Variants in PCSK5 observed in about 807,000 individuals in gnomAD.
PCSK5 encodes the protein prohormone convertase 5.
Under a neutral mutation model 233.2 loss-of-function variants are expected in PCSK5, and 129 were observed. That is an observed-to-expected ratio of 0.55 (90% CI 0.48 to 0.64). The LOEUF is 0.64. Among genes scored for constraint, PCSK5 ranks in the 30% least tolerant of loss-of-function variants. PCSK5 has a pLI of 0.00. For synonymous variants in PCSK5, 825 were observed against 879.2 expected (o/e 0.94, Z 1.09); for missense variants, 2,076 against 2,430.1 (o/e 0.85, Z 3.06).
intron 3 of PCSK5, among the ~76,000 whole-genome samples, chr9:76,016,950 C>T (rs1827972618): frequency 1.3e-5 from 2 of 152,184 alleles, no homozygotes; most frequent in African/African-American, 2.4e-5. Flanking sequence ...TTCTCCCAAC[C>T]TCCACTATTT....
chr9:75,894,961 C>G (rs544494165), intron 1 of PCSK5, among the ~76,000 whole-genome samples: 1 of 152,128 alleles, frequency 6.6e-6, no homozygotes, highest in Non-Finnish European at 1.5e-5. Context: ...GGAGAAGATC[C>G]CTTGTGAACA....
Position 75,946,682 on chromosome 9 carries a change from G to A in PCSK5, c.297+14199G>A, listed in dbSNP as rs182700206. Among the ~76,000 whole-genome samples, 591 of 152,134 alleles carry A rather than the reference G, an allele frequency of 3.9e-3. 4 individuals carry two copies. The highest frequency in any genetic ancestry group is 0.014 in the African/African-American group (561 of 41,510). On this transcript the variant is annotated intron_variant, in intron 2 of 37. Coordinates refer to ENST00000674117, the MANE Select transcript of PCSK5 (RefSeq NM_001372043.1). The stretch of plus-strand genomic sequence containing the variant: ...CCGCTCACTTCAACCTCTGCCTCTC[G>A]GGTTCAAGTGATTCTCCTGCCTCAG...
chr9:75,909,841 T>C (rs1176163670), intron 1 of PCSK5, among the ~76,000 whole-genome samples: 3 of 152,220 alleles, frequency 2.0e-5, no homozygotes, highest in Non-Finnish European at 4.4e-5. Flanking sequence ...TGTTATAAGA[T>C]TGAATTTCCC....
rs1321817430 is a variant in PCSK5 at position 76,354,223 on chromosome 9, A to C, written c.5254+4A>C. On this transcript the variant is annotated splice_donor_region_variant and intron_variant, in intron 37 of 37. Transcript: ENST00000674117. The stretch of plus-strand genomic sequence containing the variant: ...TGTGACTGCCAGGACACCACGGGTG[A>C]GGGAAGAGCAAGAGCAGCCTGCAGA... 1 of 1,566,366 alleles carries C rather than the reference A, an allele frequency of 6.4e-7. No homozygotes were observed. Among genetic ancestry groups the C allele is most frequent in the East Asian group, 2.3e-5 (1 of 42,698 alleles).
chr9:76,009,960 A>G (rs1384056232), intron 3 of PCSK5, among the ~76,000 whole-genome samples: 1 of 152,296 alleles, frequency 6.6e-6, no homozygotes, highest in South Asian at 2.1e-4. Flanking sequence ...CACGGGATGC[A>G]TGTGCGCTGC....
At position 75,981,207 on chromosome 9, in the gene PCSK5, T is replaced by C. The variant is rs538967195; in HGVS notation, c.298-4925T>C. Among the ~76,000 whole-genome samples, 12 of 152,350 alleles carry C rather than the reference T, an allele frequency of 7.9e-5. No individual in the cohort carries two copies. In the East Asian group the frequency reaches 2.3e-3, roughly 29 times the overall value. The stretch of plus-strand genomic sequence containing the variant: ...AGCTAGAACATTGACCTCACCTGTC[T>C]GTTGTTTTTAACGAAATGTTTATTC... On this transcript the variant is annotated intron_variant, in intron 2 of 37. Coordinates refer to ENST00000674117, the MANE Select transcript of PCSK5 (RefSeq NM_001372043.1).
At chr9:76,197,380 A>C (rs1824745767) in intron 20 of PCSK5, among the ~76,000 whole-genome samples, 1 of 152,196 alleles carries the variant, frequency 6.6e-6, no homozygotes, top group South Asian at 2.1e-4. Flanking sequence ...CCGCTGAATA[A>C]GCTACCCTTC....
At chr9:76,090,927 G>C (rs117309202) in intron 7 of PCSK5, among the ~76,000 whole-genome samples, 2 of 151,990 alleles carry the variant, frequency 1.3e-5, no homozygotes, top group Admixed American at 1.3e-4. Context: ...TTAGATTCTC[G>C]TGAGAAGCAG....
chr9:76,107,392 CT>C (rs1182109971), intron 9 of PCSK5, 41 bp downstream of exon 9: 2 of 1,353,236 alleles, frequency 1.5e-6, no homozygotes, highest in Non-Finnish European at 2.1e-6. Flanking sequence ...GTGACAACCC[CT>C]GATCTCAGGG....
At chr9:76,084,925 G>T (rs1165377478) in intron 7 of PCSK5, among the ~76,000 whole-genome samples, 3 of 152,114 alleles carry the variant, frequency 2.0e-5, no homozygotes, top group Non-Finnish European at 2.9e-5. Flanking sequence ...CATGTTTGAT[G>T]AATACAGTCA....
intron 5 of PCSK5, among the ~76,000 whole-genome samples, chr9:76,040,919 T>C (rs1458369522): frequency 6.6e-6 from 1 of 152,126 alleles, no homozygotes; most frequent in East Asian, 1.9e-4. Flanking sequence ...TATGTAGAAA[T>C]TTAGTATTGA....
intron 24 of PCSK5, among the ~76,000 whole-genome samples, chr9:76,283,992 C>G (rs117150323): frequency 1.3e-5 from 2 of 152,082 alleles, no homozygotes; most frequent in Non-Finnish European, 2.9e-5. Flanking sequence ...CTTAAGGAAC[C>G]AAACTCAACA....
At chr9:75,905,779 G>T (rs914335523) in intron 1 of PCSK5, among the ~76,000 whole-genome samples, 2 of 152,092 alleles carry the variant, frequency 1.3e-5, no homozygotes, top group Non-Finnish European at 2.9e-5. Flanking sequence ...TCTAGGTTGC[G>T]TGCTCCTTAT....
chr9:75,979,383 G>A (rs555255327), intron 2 of PCSK5, among the ~76,000 whole-genome samples: 13 of 152,280 alleles, frequency 8.5e-5, no homozygotes, highest in African/African-American at 3.1e-4. Context: ...CCCTCTTTCA[G>A]CTGAGTTTAT....
At chr9:76,311,298 CT>C (rs879258970) in intron 30 of PCSK5, among the ~76,000 whole-genome samples, 24 of 148,512 alleles carry the variant, frequency 1.6e-4, no homozygotes, top group Middle Eastern at 6.9e-3. Flanking sequence ...TTGCAGTGAG[CT>C]GTGATTGCAC....
At chr9:75,990,924 A>G (rs930292108) in intron 3 of PCSK5, among the ~76,000 whole-genome samples, 1 of 152,218 alleles carries the variant, frequency 6.6e-6, no homozygotes, top group African/African-American at 2.4e-5. Context: ...TAAATGCTCA[A>G]TAAATTTTGA....
intron 24 of PCSK5, among the ~76,000 whole-genome samples, chr9:76,241,396 C>T (rs1384844744): frequency 2.0e-5 from 3 of 152,162 alleles, no homozygotes; most frequent in African/African-American, 4.8e-5. Context: ...GAGCCAAGAT[C>T]GTGCCATTGC....
intron 22 of PCSK5, among the ~76,000 whole-genome samples, chr9:76,235,209 G>A (rs1224826757): frequency 3.3e-5 from 5 of 152,182 alleles, no homozygotes; most frequent in African/African-American, 1.2e-4. Flanking sequence ...AAGACCAGCA[G>A]TCAGAAAATG....
intron 3 of PCSK5, among the ~76,000 whole-genome samples, chr9:75,996,002 A>T (rs1224280838): frequency 6.6e-6 from 1 of 152,074 alleles, no homozygotes; most frequent in Non-Finnish European, 1.5e-5. Context: ...GACCTGTAAG[A>T]TTTTCAAATA....
Sources: allele counts gnomAD v4.1 joint callset (sites outside exome capture counted in the v4.1 genomes callset), GRCh38; gene constraint gnomAD v4.1.1; transcripts MANE v1.5; gene names NCBI Gene and HGNC (gene_info 2026-07-23, HGNC 2026-07-21).